The following NCAM1 variants were observed in gnomAD, a reference collection of about 807,000 sequenced individuals.
NCAM1 encodes the protein neural cell adhesion molecule 1, also known as antigen recognized by monoclonal antibody 5.1H11.
Under a neutral mutation model 109.8 loss-of-function variants are expected in NCAM1, and 14 were observed. The observed-to-expected ratio is 0.13, with a 90% CI of 0.08 to 0.20. NCAM1 has a LOEUF of 0.20. Among genes scored for constraint, NCAM1 ranks in the 10% least tolerant of loss-of-function variants. The pLI is 1.00. For missense variants in NCAM1, 774 were observed against 1,109.9 expected (o/e 0.70, Z 4.30); for synonymous variants, 418 against 442.9 (o/e 0.94, Z 0.70).
At chr11:113,000,856 A>AAAAAT (rs1389480369) in intron 1 of NCAM1, among the ~76,000 whole-genome samples, 8 of 44,616 alleles carry the variant, frequency 1.8e-4, no homozygotes, top group African/African-American at 5.2e-4. Flanking sequence ...ATACACAAAA[A>AAAAAT]ATATATATAT....
chr11:113,222,709 C>T (rs993187492), intron 9 of NCAM1, among the ~76,000 whole-genome samples: 4 of 152,156 alleles, frequency 2.6e-5, no homozygotes, highest in Non-Finnish European at 5.9e-5. Flanking sequence ...TCATTTAGAG[C>T]TGGTTGAGGA....
At chr11:113,052,782 A>G (rs1953553744) in intron 1 of NCAM1, among the ~76,000 whole-genome samples, 1 of 152,088 alleles carries the variant, frequency 6.6e-6, no homozygotes. Context: ...TGCTGCACCT[A>G]TCAACTCATC....
At position 113,232,824 on chromosome 11, in the gene NCAM1, C is replaced by A. The variant is rs890690422; in HGVS notation, c.1522+10C>A. ...ATCCTTGTTCAAGCAGGTGAGTGTCCCTTACTCACCTGAGAGCAGCTGCCA... is the reference window on the plus strand; with the variant it reads ...ATCCTTGTTCAAGCAGGTGAGTGTCACTTACTCACCTGAGAGCAGCTGCCA... On this transcript the variant is annotated intron_variant, in intron 12 of 19. Transcript: ENST00000316851. The A allele has an allele frequency of 6.9e-6, 11 of 1,602,714 alleles. No individual in the cohort carries two copies. The highest frequency in any genetic ancestry group is 9.4e-6 in the Non-Finnish European group (11 of 1,169,940).
Position 112,962,877 on chromosome 11 carries a change from T to G in NCAM1, c.52+1213T>G, listed in dbSNP as rs1388645944. Among the ~76,000 whole-genome samples the G allele has an allele frequency of 6.6e-6, 1 of 151,396 alleles. No individual in the cohort carries two copies. The highest frequency in any genetic ancestry group is 2.4e-5 in the African/African-American group (1 of 41,174). On this transcript the variant is annotated intron_variant, in intron 1 of 19. Coordinates refer to ENST00000316851, the MANE Select transcript of NCAM1 (RefSeq NM_181351.5). The surrounding 1 kb of genome is among the most constrained non-coding windows in gnomAD (Gnocchi z 5.6). The stretch of plus-strand genomic sequence containing the variant: ...GGGCGGACATTCTGGGCGGGGGGCG[T>G]GTGCTGGGAAGCGATCGAGGAAAGC...
intron 1 of NCAM1, among the ~76,000 whole-genome samples, chr11:113,164,679 A>G (rs1555104963): frequency 6.6e-6 from 1 of 152,234 alleles, no homozygotes; most frequent in East Asian, 1.9e-4. Flanking sequence ...GTGTGTGGAA[A>G]GAGGTTCAGA....
At position 113,071,250 on chromosome 11, in the gene NCAM1, C is replaced by T. The variant is rs1411719641; in HGVS notation, c.52+109586C>T. 3.3e-5 allele frequency among the ~76,000 whole-genome samples: 5 copies of T among 152,094 alleles called. No homozygotes were observed. The South Asian group carries it at 8.3e-4, about 25-fold the overall frequency. ...ATAGGAGTATCCAAATTTAAGATTA[C>T]AGAGATGGAACAATTCCCAGTGGCA... is the stretch of plus-strand genomic sequence containing the variant. On this transcript the variant is annotated intron_variant, in intron 1 of 19. Transcript: ENST00000316851.
At chr11:113,237,148 A>T (rs2137307434) in intron 14 of NCAM1, among the ~76,000 whole-genome samples, 1 of 152,312 alleles carries the variant, frequency 6.6e-6, no homozygotes, top group African/African-American at 2.4e-5. Flanking sequence ...CAAGGGTAAC[A>T]GAGAGATGAA....
At chr11:113,203,724 C>T (rs1456542026) in intron 2 of NCAM1, among the ~76,000 whole-genome samples, 43 of 152,350 alleles carry the variant, frequency 2.8e-4, no homozygotes, top group African/African-American at 1.0e-3. Context: ...AAATGACAGT[C>T]ATGCCAGTTT....
At chr11:113,090,022 T>C (rs1939269443) in intron 1 of NCAM1, among the ~76,000 whole-genome samples, 1 of 152,230 alleles carries the variant, frequency 6.6e-6, no homozygotes, top group Non-Finnish European at 1.5e-5. Context: ...AAGAGTATCC[T>C]CAAAATTTGT....
chr11:113,244,758 A>G (rs1284765681), intron 14 of NCAM1, among the ~76,000 whole-genome samples: 1 of 152,144 alleles, frequency 6.6e-6, no homozygotes, highest in Non-Finnish European at 1.5e-5. Flanking sequence ...TTAGTTGTAT[A>G]TAATCCCTGC....
chr11:113,260,751 A>G (rs1200676170), intron 17 of NCAM1, among the ~76,000 whole-genome samples: 1 of 152,196 alleles, frequency 6.6e-6, no homozygotes, highest in Non-Finnish European at 1.5e-5. Flanking sequence ...GAGCACAGCC[A>G]TGGTCCAAAT....
intron 8 of NCAM1, among the ~76,000 whole-genome samples, chr11:113,220,602 C>CTCTTT (rs1319361444): frequency 1.3e-5 from 1 of 75,584 alleles, no homozygotes; most frequent in African/African-American, 6.1e-5. Context: ...CTCTCTCTCT[C>CTCTTT]TTTTTTTTTT....
chr11:113,247,341 C>G (rs1555120439), intron 15 of NCAM1, among the ~76,000 whole-genome samples: 1 of 152,210 alleles, frequency 6.6e-6, no homozygotes, highest in Non-Finnish European at 1.5e-5. Flanking sequence ...GAAAGCAAAA[C>G]TAACTCCAAT....
chr11:113,248,616 T>C (rs2137478631), intron 15 of NCAM1, among the ~76,000 whole-genome samples: 1 of 152,214 alleles, frequency 6.6e-6, no homozygotes, highest in East Asian at 1.9e-4. Context: ...TGACATCTGA[T>C]GTTCCCTGTC....
chr11:113,206,798 A>G (rs1162924503), intron 5 of NCAM1, among the ~76,000 whole-genome samples: 2 of 152,242 alleles, frequency 1.3e-5, no homozygotes, highest in Non-Finnish European at 2.9e-5. Flanking sequence ...TCACAGTCCC[A>G]GAGAAATGGC....
chr11:113,167,635 A>T (rs528136201), intron 1 of NCAM1, among the ~76,000 whole-genome samples: 9 of 150,026 alleles, frequency 6.0e-5, no homozygotes, highest in African/African-American at 2.2e-4. Flanking sequence ...GTTGGGGTTG[A>T]GTTAGTGGTG....
intron 1 of NCAM1, among the ~76,000 whole-genome samples, chr11:113,046,256 T>G (rs891622761): frequency 5.9e-5 from 9 of 152,136 alleles, no homozygotes; most frequent in Non-Finnish European, 1.0e-4. Flanking sequence ...TGTTTCACAG[T>G]GAAACAAACG....
Position 112,972,021 on chromosome 11 carries a change from G to A in NCAM1, c.52+10357G>A, listed in dbSNP as rs1219876978. On this transcript the variant is annotated intron_variant, in intron 1 of 19. Transcript: ENST00000316851. ...TAGAAATAACAAAGCAACCAGCAAG[G>A]GTGGATGATGGATCCCAAATGGTAG... Among the ~76,000 whole-genome samples, 6 of 152,132 alleles carry A rather than the reference G, an allele frequency of 3.9e-5. No individual in the cohort carries two copies. The East Asian group carries it at 9.6e-4, about 24-fold the overall frequency.
chr11:113,035,345 A>G (rs555343601), intron 1 of NCAM1, among the ~76,000 whole-genome samples: 2 of 152,316 alleles, frequency 1.3e-5, no homozygotes, highest in East Asian at 3.9e-4. Context: ...TGAGCAGCAG[A>G]CAGCAGAATC....
Sources: allele counts gnomAD v4.1 joint callset (sites outside exome capture counted in the v4.1 genomes callset), GRCh38; gene constraint gnomAD v4.1.1; non-coding constraint Gnocchi (gnomAD v3.1); transcripts MANE v1.5; gene names NCBI Gene and HGNC (gene_info 2026-07-23, HGNC 2026-07-21).